Variants in CRISPLD2 observed in about 807,000 individuals in gnomAD.
CRISPLD2 encodes the protein cysteine rich secretory protein LCCL domain containing 2.
Under a neutral mutation model 71.1 loss-of-function variants are expected in CRISPLD2, and 47 were observed. The ratio of observed to expected loss-of-function variants is 0.66; its 90% CI spans 0.52 to 0.84. The LOEUF is 0.84. Among genes scored for constraint, CRISPLD2 ranks in the 40% least tolerant of loss-of-function variants. The probability of loss-of-function intolerance (pLI) is 0.00; values close to 1 mark genes in which losing one functional copy is unlikely to be tolerated. For synonymous variants in CRISPLD2, 317 were observed against 250.1 expected (o/e 1.27, Z -2.52); for missense variants, 830 against 651.1 (o/e 1.27, Z -2.99).
chr16:84,860,719 C>T (rs1597463311), intron 6 of CRISPLD2, among the ~76,000 whole-genome samples: 1 of 152,198 alleles, frequency 6.6e-6, no homozygotes, highest in African/African-American at 2.4e-5. Context: ...CACACTTCCC[C>T]ATTCTTTTCC....
intron 1 of CRISPLD2, among the ~76,000 whole-genome samples, chr16:84,821,771 A>C (rs543243719): frequency 6.6e-6 from 1 of 152,308 alleles, no homozygotes; most frequent in South Asian, 2.1e-4. Context: ...AATAGTAATA[A>C]TGCCATTTGT....
intron 1 of CRISPLD2, among the ~76,000 whole-genome samples, chr16:84,826,623 T>C (rs975261151): frequency 2.0e-5 from 3 of 151,878 alleles, no homozygotes; most frequent in African/African-American, 7.3e-5. Context: ...ACACGGTTTA[T>C]TCCCCGGGAC....
chr16:84,901,468 CTTTTTTTT>C (rs564314509), intron 14 of CRISPLD2, among the ~76,000 whole-genome samples: 1 of 119,076 alleles, frequency 8.4e-6, no homozygotes, highest in Non-Finnish European at 1.7e-5. Flanking sequence ...CCTGGCTGCA[CTTTTTTTT>C]TTTTTTTTTT....
intron 14 of CRISPLD2, among the ~76,000 whole-genome samples, chr16:84,893,108 A>G (rs907304717): frequency 2.5e-4 from 38 of 152,166 alleles, no homozygotes; most frequent in African/African-American, 8.4e-4. Flanking sequence ...GGAGCCCCCA[A>G]CAGGGTGATG....
At chr16:84,838,872 G>A in intron 2 of CRISPLD2, 137 bp downstream of exon 2, 2 of 1,103,284 alleles carry the variant, frequency 1.8e-6, no homozygotes, top group East Asian at 5.1e-5. Context: ...GGCAGGGGAG[G>A]ATCCCGGCTC....
intron 14 of CRISPLD2, among the ~76,000 whole-genome samples, chr16:84,895,504 A>G (rs2071698357): frequency 1.3e-5 from 2 of 152,206 alleles, no homozygotes; most frequent in African/African-American, 4.8e-5. Flanking sequence ...CTGCTGATTT[A>G]TAACTTTTCT....
intron 6 of CRISPLD2, among the ~76,000 whole-genome samples, chr16:84,857,576 C>T (rs1224942346): frequency 2.6e-5 from 4 of 152,184 alleles, no homozygotes; most frequent in South Asian, 2.1e-4. Context: ...GTGCACTGCT[C>T]GAAGTCCTGC....
intron 11 of CRISPLD2, among the ~76,000 whole-genome samples, chr16:84,875,072 C>G (rs771771049): frequency 6.6e-6 from 1 of 152,016 alleles, no homozygotes; most frequent in Non-Finnish European, 1.5e-5. Context: ...AAGACCCTGT[C>G]TCTGCAAAAA....
chr16:84,841,738 G>A (rs1916777560), intron 2 of CRISPLD2, among the ~76,000 whole-genome samples: 1 of 152,004 alleles, frequency 6.6e-6, no homozygotes. Flanking sequence ...TGGGATTATA[G>A]GTGCCCACCA....
chr16:84,884,280 GC>G (rs966876615), intron 13 of CRISPLD2, among the ~76,000 whole-genome samples: 2 of 152,210 alleles, frequency 1.3e-5, no homozygotes, highest in Non-Finnish European at 2.9e-5. Flanking sequence ...CAAGGTGTGA[GC>G]CCCCCTGCCC....
chr16:84,843,223 G>A (rs1457658258), intron 2 of CRISPLD2, among the ~76,000 whole-genome samples: 1 of 152,202 alleles, frequency 6.6e-6, no homozygotes, highest in African/African-American at 2.4e-5. Flanking sequence ...GAGGCTGAAA[G>A]GATGGGGTGG....
intron 14 of CRISPLD2, among the ~76,000 whole-genome samples, chr16:84,894,428 G>A (rs1198712631): frequency 6.6e-6 from 1 of 152,156 alleles, no homozygotes; most frequent in Non-Finnish European, 1.5e-5. Context: ...TTATACAAAG[G>A]TATATATGGG....
intron 1 of CRISPLD2, among the ~76,000 whole-genome samples, chr16:84,834,324 C>T (rs1461258313): frequency 2.0e-5 from 3 of 152,206 alleles, no homozygotes; most frequent in African/African-American, 2.4e-5. Flanking sequence ...GAGGTCCATC[C>T]CATTTGGAAA....
intron 7 of CRISPLD2, among the ~76,000 whole-genome samples, chr16:84,867,609 C>A (rs1352180076): frequency 2.0e-5 from 3 of 152,226 alleles, no homozygotes; most frequent in African/African-American, 4.8e-5. Flanking sequence ...TCTTGTCACC[C>A]AGGTTGGAGT....
chr16:84,869,137 C>G (rs901797942), intron 8 of CRISPLD2, among the ~76,000 whole-genome samples: 35 of 152,326 alleles, frequency 2.3e-4, no homozygotes, highest in Non-Finnish European at 4.7e-4. Flanking sequence ...GCAGGCTGCT[C>G]CCAGTGGGCC....
intron 13 of CRISPLD2, among the ~76,000 whole-genome samples, chr16:84,885,006 G>C (rs1443927331): frequency 6.6e-6 from 1 of 152,254 alleles, no homozygotes; most frequent in Non-Finnish European, 1.5e-5. Flanking sequence ...GGCAGTGCGA[G>C]CAATGCTGAG....
intron 7 of CRISPLD2, 101 bp from the exon 8 acceptor site, chr16:84,868,750 T>G: frequency 2.0e-6 from 2 of 987,008 alleles, no homozygotes; most frequent in Non-Finnish European, 3.2e-6. Flanking sequence ...ATAGCACGGA[T>G]TGGATTGCAG....
chr16:84,848,246 A>T (rs1487139388), intron 3 of CRISPLD2, among the ~76,000 whole-genome samples: 1 of 152,164 alleles, frequency 6.6e-6, no homozygotes, highest in Non-Finnish European at 1.5e-5. Flanking sequence ...CACTGTGTGC[A>T]CGCCTTTCTG....
intron 14 of CRISPLD2, among the ~76,000 whole-genome samples, chr16:84,895,516 G>T (rs2071698432): frequency 6.6e-6 from 1 of 152,140 alleles, no homozygotes; most frequent in African/African-American, 2.4e-5. Flanking sequence ...AACTTTTCTT[G>T]ACCTGTTTTT....
Sources: allele counts gnomAD v4.1 joint callset (sites outside exome capture counted in the v4.1 genomes callset), GRCh38; gene constraint gnomAD v4.1.1; transcripts MANE v1.5; gene names NCBI Gene and HGNC (gene_info 2026-07-23, HGNC 2026-07-21).